Variants in LTBP3 observed in about 807,000 individuals in gnomAD.
LTBP3 encodes latent-transforming growth factor beta-binding protein 3.
Under a neutral mutation model 159.7 loss-of-function variants are expected in LTBP3, and 97 were observed. That is an observed-to-expected ratio of 0.61 (90% confidence interval 0.52 to 0.72). The LOEUF (loss-of-function observed/expected upper bound fraction) is 0.72. Ranked by LOEUF, LTBP3 falls within the 30% of genes least tolerant of loss-of-function variation. The pLI, the probability that LTBP3 is intolerant of heterozygous loss-of-function variation, is 0.00. For synonymous variants in LTBP3, 824 were observed against 777.1 expected (o/e 1.06, Z -1.00); for missense variants, 1,584 against 1,864.3 (o/e 0.85, Z 2.77).
At chr11:65,549,593 G>GTTTTTTTTTTTTTTTT (rs1565097219) in intron 11 of LTBP3, among the ~76,000 whole-genome samples, 1 of 109,890 alleles carries the variant, frequency 9.1e-6, no homozygotes, top group African/African-American at 3.6e-5. Flanking sequence ...TTTTTTTTTG[G>GTTTTTTTTTTTTTTTT]ATTTTTAGTA....
In LTBP3 at chr11:65,540,172, T is replaced by G. The variant is rs1051134364; in HGVS notation, c.3245-19A>C. On this transcript the variant is annotated intron_variant, in intron 23 of 27. Coordinates refer to ENST00000301873, the MANE Select transcript of LTBP3 (RefSeq NM_001130144.3). ...TCCACGTCTACGAACAGCGAGGGGG[T>G]GGGTGGGGGCCGTCACAGCTCGGCC... 1 of 1,531,478 alleles carries G rather than the reference T, an allele frequency of 6.5e-7. No homozygotes were observed. Among genetic ancestry groups the G allele is most frequent in the South Asian group, 1.2e-5 (1 of 83,600 alleles). 94.9% of individuals were successfully genotyped at this position (1,531,478 alleles called of 1,614,324 possible).
In LTBP3 at chr11:65,540,293, C is replaced by T; in HGVS notation, c.3196G>A (p.Ala1066Thr). The T allele has an allele frequency of 6.4e-7, 1 of 1,560,642 alleles. No individual in the cohort carries two copies. The highest frequency in any genetic ancestry group is 8.7e-7 in the Non-Finnish European group (1 of 1,152,376). ...TGGCGCTGCGCGGGACTGTACTCGGCAGGGGGCGTGCAGGCACAGCGGTAG... is the reference window on the plus strand; with the variant it reads ...TGGCGCTGCGCGGGACTGTACTCGGTAGGGGGCGTGCAGGCACAGCGGTAG... ...GGYRCACTPP[A>T]EYSPAQRQCL... is the part of the protein sequence containing the mutation. The change falls in exon 23 of 28, where the codon GCC becomes ACC. Residue 1066 changes from alanine to threonine, a missense_variant. Physicochemically the swap from Ala to Thr is moderately conservative, Grantham distance 58. Around this residue, in one of 6 missense-constraint regions of LTBP3, gnomAD observed 514 missense variants for 530.3 expected, o/e 0.97. Coordinates refer to ENST00000301873, the MANE Select transcript of LTBP3 (RefSeq NM_001130144.3).
At position 65,553,641 on chromosome 11, in the gene LTBP3, A is replaced by G; in HGVS notation, c.864+60T>C. The stretch of plus-strand genomic sequence containing the variant: ...CCCTCAGTTTTCTGCTATCCGAGTG[A>G]GTTGGGGCAGAGCAACCCTGAGAGA... On this transcript the variant is annotated intron_variant, in intron 3 of 27. Coordinates refer to ENST00000301873, the MANE Select transcript of LTBP3 (RefSeq NM_001130144.3). This position sits in a 1 kb window ranked among gnomAD's most constrained non-coding sequence, Gnocchi z 6.5. 1.3e-6 allele frequency: 2 copies of G among 1,528,502 alleles called. No individual in the cohort carries two copies. Among genetic ancestry groups the G allele is most frequent in the African/African-American group, 2.7e-5 (2 of 73,146 alleles). The allele number at this position is 1,528,502 out of a possible 1,614,324, so 94.7% of individuals were successfully genotyped here.
chr11:65,547,724 G>GGGATGTGAC lies in LTBP3; in HGVS notation c.1943_1944insGTCACATCC (p.Arg648_Leu649insSerHisPro). 2 of 1,605,546 alleles carry GGGATGTGAC rather than the reference G, an allele frequency of 1.2e-6. No homozygotes were observed. The highest frequency in any genetic ancestry group is 1.7e-6 in the Non-Finnish European group (2 of 1,177,144). Reference sequence around the variant, plus strand: ...AGCGCCCCCCGGCGCCCACGTGCAGGCGGTAGCCGCGGTTGCAGTGGCAAT... The same window carrying GGGATGTGAC: ...AGCGCCCCCCGGCGCCCACGTGCAGGGGATGTGACCGGTAGCCGCGGTTGCAGTGGCAAT... On this transcript the variant is annotated inframe_insertion, in exon 13 of 28. Coordinates refer to ENST00000301873, the MANE Select transcript of LTBP3 (RefSeq NM_001130144.3). This position sits in a 1 kb window ranked among gnomAD's most constrained non-coding sequence, Gnocchi z 4.6.
intron 21 of LTBP3, 124 bp from the exon 22 acceptor site, chr11:65,540,738 G>T: frequency 1.1e-6 from 1 of 940,714 alleles, no homozygotes; most frequent in Non-Finnish European, 1.4e-6. Flanking sequence ...GGCCTACAGG[G>T]CGGGGCCTGC....
intron 8 of LTBP3, 115 bp downstream of exon 8, chr11:65,551,857 G>T: frequency 7.9e-7 from 1 of 1,264,218 alleles, no homozygotes; most frequent in South Asian, 1.2e-5. Flanking sequence ...CAGTGGATGG[G>T]TCAGGGATAA....
At position 65,538,622 on chromosome 11, in the gene LTBP3, T is replaced by C. The variant is rs1855861151; in HGVS notation, c.*458A>G. On this transcript the variant is annotated 3_prime_UTR_variant, in exon 28 of 28. Transcript: ENST00000301873. ...GAGCCCGCCCCACAGATGTATTTAT[T>C]GTACAAACCATGTGAGCCCGGCCGG... 1 of 1,568,400 alleles carries C rather than the reference T, an allele frequency of 6.4e-7. No homozygotes were observed. Among genetic ancestry groups the C allele is most frequent in the African/African-American group, 1.4e-5 (1 of 74,068 alleles).
At chr11:65,543,639 C>A in intron 16 of LTBP3, 90 bp from the exon 17 acceptor site, 1 of 1,545,026 alleles carries the variant, frequency 6.5e-7, no homozygotes, top group East Asian at 2.3e-5. Context: ...GCCTGGAGCA[C>A]CAGAGCTGAG....
chr11:65,541,857 G>A, intron 18 of LTBP3, 129 bp from the exon 19 acceptor site: 1 of 1,072,948 alleles, frequency 9.3e-7, no homozygotes, highest in South Asian at 1.4e-5. Flanking sequence ...CAGGAAGTCT[G>A]CTGTGTCTGT....
At chr11:65,551,746 G>C (rs375019290) in intron 8 of LTBP3, 182 bp from the exon 9 acceptor site, 304 of 900,970 alleles carry the variant, frequency 3.4e-4, no homozygotes, top group Non-Finnish European at 5.2e-4. Context: ...ACATGATCAG[G>C]TTGAATGGCC....
Position 65,546,302 on chromosome 11 carries a change from C to T in LTBP3, c.2353+140G>A, listed in dbSNP as rs1182650540. 9.7e-6 allele frequency: 11 copies of T among 1,131,526 alleles called. No individual in the cohort carries two copies. Among genetic ancestry groups the T allele is most frequent in the South Asian group, 1.7e-5 (1 of 58,558 alleles). The allele number at this position is 1,131,526 out of a possible 1,614,324, so 70.1% of individuals were successfully genotyped here. ...TAGTGGTGCCTTCCTTGGCAAAGTTCGTTGAGAAAATGAGTGAGCAGAGTC... is the reference window on the plus strand; with the variant it reads ...TAGTGGTGCCTTCCTTGGCAAAGTTTGTTGAGAAAATGAGTGAGCAGAGTC... On this transcript the variant is annotated intron_variant, in intron 16 of 27. Transcript: ENST00000301873. The surrounding 1 kb of genome is among the most constrained non-coding windows in gnomAD (Gnocchi z 4.0).
intron 21 of LTBP3, 106 bp from the exon 22 acceptor site, chr11:65,540,720 A>AGGGGCGGGGCCTACAGGT: frequency 4.3e-6 from 6 of 1,380,920 alleles, no homozygotes; most frequent in Non-Finnish European, 6.0e-6. Context: ...GGCCTACAGG[A>AGGGGCGGGGCCTACAGGT]GGGGCGGGGC....
rs1011410060 is a variant in LTBP3, at chr11:65,540,782, G to C, written c.2977+89C>G. ...TGCGGGCGGGGCTTACCCGGCGCGG[G>C]CAGCTGACCCAGCGAGTCCCGGCGG... On this transcript the variant is annotated intron_variant, in intron 21 of 27. Transcript: ENST00000301873. 3 of 1,500,438 alleles carry C rather than the reference G, an allele frequency of 2.0e-6. No homozygotes were observed. In the East Asian group the frequency reaches 7.0e-5, roughly 35 times the overall value. 92.9% of individuals were successfully genotyped at this position (1,500,438 alleles called of 1,614,324 possible).
intron 24 of LTBP3, 27 bp from the exon 25 acceptor site, chr11:65,539,908 A>AG (rs1361308304): frequency 1.3e-6 from 2 of 1,500,204 alleles, no homozygotes; most frequent in Admixed American, 2.2e-5. Context: ...GCATCAGGGG[A>AG]GGGGCCCAAG....
intron 18 of LTBP3, 126 bp from the exon 19 acceptor site, chr11:65,541,854 T>A: frequency 1.9e-6 from 2 of 1,061,598 alleles, no homozygotes; most frequent in Admixed American, 2.0e-5. Flanking sequence ...CAGCAGGAAG[T>A]CTGCTGTGTC....
chr11:65,555,492 C>T (rs767494839), intron 1 of LTBP3, among the ~76,000 whole-genome samples: 17 of 152,120 alleles, frequency 1.1e-4, no homozygotes, highest in Admixed American at 3.3e-4. Context: ...TCCTCCTATC[C>T]GGCCCCCCTG....
chr11:65,551,094 A>G, intron 11 of LTBP3, 32 bp downstream of exon 11: 1 of 1,531,778 alleles, frequency 6.5e-7, no homozygotes, highest in Non-Finnish European at 8.8e-7. Flanking sequence ...GGCGTGGCCT[A>G]GGCAGGGGTG....
At chr11:65,549,009 G>A (rs1445759832) in intron 11 of LTBP3, 1 of 152,194 alleles carries the variant, frequency 6.6e-6, no homozygotes, top group East Asian at 1.9e-4. Context: ...TCAGCTGTGT[G>A]ACCTGGGGCA....
rs751533168 is a variant in LTBP3 at position 65,539,598 on chromosome 11, C to G, written c.3578G>C (p.Ser1193Thr). ...GSHCPTSQSE[S>T]NSFWDTSPLL... Reference sequence around the variant, plus strand: ...GGGGCTTGTGTCCCAGAAGGAATTGCTCTCGCTCTGCGATGTCGGGCAATG... The same window carrying G: ...GGGGCTTGTGTCCCAGAAGGAATTGGTCTCGCTCTGCGATGTCGGGCAATG... Residue 1193 changes from serine (S) to threonine (T), a missense_variant, in exon 26 of 28, where the codon AGC becomes ACC. Physicochemically the swap from Ser to Thr is moderately conservative, Grantham distance 58. Transcript: ENST00000301873. The G allele has an allele frequency of 6.2e-7, 1 of 1,612,650 alleles. No homozygotes were observed. The highest frequency in any genetic ancestry group is 8.5e-7 in the Non-Finnish European group (1 of 1,179,350).
Sources: gnomAD v4.1 joint callset for allele counts (sites outside exome capture counted in the v4.1 genomes callset) on GRCh38, gnomAD v4.1.1 for gene constraint, gnomAD v4.1.1 regional missense constraint, Gnocchi (gnomAD v3.1) non-coding constraint, MANE v1.5 for transcripts, NCBI Gene and HGNC (gene_info 2026-07-23, HGNC 2026-07-21) for gene names.